Variants in ADAMTSL1 observed in about 807,000 individuals in gnomAD.
The protein encoded by ADAMTSL1 is ADAMTS like 1.
Under a neutral mutation model 201.8 loss-of-function variants are expected in ADAMTSL1, and 126 were observed. The ratio of observed to expected loss-of-function variants is 0.62; its 90% CI spans 0.54 to 0.72. ADAMTSL1 has a LOEUF of 0.72. ADAMTSL1 is among the 30% of genes least tolerant of loss of function. The pLI, the probability that ADAMTSL1 is intolerant of heterozygous loss-of-function variation, is 0.00. For synonymous variants in ADAMTSL1, 1,121 were observed against 903.4 expected, an observed-to-expected ratio of 1.24 and a Z score of -4.32; for missense variants, 2,679 against 2,277.8, an observed-to-expected ratio of 1.18 and a Z score of -3.59.
At chr9:18,745,763 C>A (rs1252207588) in intron 15 of ADAMTSL1, among the ~76,000 whole-genome samples, 1 of 152,180 alleles carries the variant, frequency 6.6e-6, no homozygotes, top group Non-Finnish European at 1.5e-5. Context: ...TTCAATTTTA[C>A]TAGATTTATC....
At chr9:18,206,596 A>G (rs1406297480) in intron 2 of ADAMTSL1, among the ~76,000 whole-genome samples, 3 of 152,046 alleles carry the variant, frequency 2.0e-5, no homozygotes, top group Non-Finnish European at 4.4e-5. Flanking sequence ...CCCTACATTA[A>G]CCAGATCATG....
intron 13 of ADAMTSL1, among the ~76,000 whole-genome samples, chr9:18,703,318 G>C (rs1432852310): frequency 6.6e-6 from 1 of 152,028 alleles, no homozygotes; most frequent in African/African-American, 2.4e-5. Context: ...AGTAAATACA[G>C]AGCTGGGAGA....
intron 18 of ADAMTSL1, 27 bp from the exon 19 acceptor site, chr9:18,776,754 G>C (rs1400626158): frequency 6.6e-7 from 1 of 1,520,042 alleles, no homozygotes; most frequent in East Asian, 2.5e-5. Context: ...CTCTTTCTCT[G>C]TCCCTTCGGG....
intron 1 of ADAMTSL1, among the ~76,000 whole-genome samples, chr9:17,922,454 C>T (rs1826343594): frequency 6.6e-6 from 1 of 152,242 alleles, no homozygotes; most frequent in African/African-American, 2.4e-5. Context: ...TCCTGAGCCT[C>T]AATCTCAGAG....
At chr9:18,437,423 A>T (rs2133437149) in intron 2 of ADAMTSL1, among the ~76,000 whole-genome samples, 1 of 152,162 alleles carries the variant, frequency 6.6e-6, no homozygotes, top group Non-Finnish European at 1.5e-5. Context: ...TCTTCTAGTC[A>T]TGACAGACTG....
intron 4 of ADAMTSL1, among the ~76,000 whole-genome samples, chr9:18,578,505 T>A (rs1822882909): frequency 6.6e-6 from 1 of 152,136 alleles, no homozygotes; most frequent in African/African-American, 2.4e-5. Flanking sequence ...GACAAGAGGC[T>A]CTGGAATCAT....
At chr9:18,164,202 C>G (rs908841787) in intron 2 of ADAMTSL1, among the ~76,000 whole-genome samples, 1 of 151,782 alleles carries the variant, frequency 6.6e-6, no homozygotes, top group South Asian at 2.1e-4. Flanking sequence ...TTTACTCAAG[C>G]GTTAAAGTTT....
At chr9:18,097,045 G>C (rs964431904) in intron 1 of ADAMTSL1, among the ~76,000 whole-genome samples, 1 of 152,124 alleles carries the variant, frequency 6.6e-6, no homozygotes, top group Non-Finnish European at 1.5e-5. Flanking sequence ...ATACATGGCG[G>C]TTCCATCATC....
intron 2 of ADAMTSL1, among the ~76,000 whole-genome samples, chr9:18,263,624 C>T (rs968157279): frequency 3.3e-5 from 5 of 152,182 alleles, no homozygotes; most frequent in Non-Finnish European, 4.4e-5. Context: ...GTCCCCTACC[C>T]CAATTCATAT....
At chr9:18,013,691 A>G (rs1820144003) in intron 1 of ADAMTSL1, among the ~76,000 whole-genome samples, 2 of 152,028 alleles carry the variant, frequency 1.3e-5, no homozygotes. Flanking sequence ...AACAGCACTT[A>G]GCCAAATGGG....
intron 13 of ADAMTSL1, 164 bp downstream of exon 13, chr9:18,684,964 G>C: frequency 7.2e-7 from 1 of 1,388,574 alleles, no homozygotes; most frequent in Non-Finnish European, 9.3e-7. Flanking sequence ...AAAAGTGTTT[G>C]TCAAAGCTGA....
chr9:18,413,710 C>T (rs1379564569), intron 2 of ADAMTSL1, among the ~76,000 whole-genome samples: 1 of 152,168 alleles, frequency 6.6e-6, no homozygotes, highest in Non-Finnish European at 1.5e-5. Context: ...CCCAACTCTT[C>T]ATTCTCTTTT....
chr9:18,193,409 G>T (rs1829048961), intron 2 of ADAMTSL1, among the ~76,000 whole-genome samples: 1 of 152,016 alleles, frequency 6.6e-6, no homozygotes, highest in African/African-American at 2.4e-5. Flanking sequence ...GTTACAGTAG[G>T]ATCCATGGTG....
At chr9:17,954,621 A>G (rs987404068) in intron 1 of ADAMTSL1, among the ~76,000 whole-genome samples, 1 of 152,194 alleles carries the variant, frequency 6.6e-6, no homozygotes, top group African/African-American at 2.4e-5. Flanking sequence ...CATGGAAGGA[A>G]TCATGCTTGA....
chr9:17,977,409 G>A (rs529087526), intron 1 of ADAMTSL1, among the ~76,000 whole-genome samples: 1 of 152,138 alleles, frequency 6.6e-6, no homozygotes, highest in South Asian at 2.1e-4. Flanking sequence ...TTCTTTAAAT[G>A]TTTAGTAAAA....
chr9:18,340,822 A>C (rs1318426802), intron 2 of ADAMTSL1, among the ~76,000 whole-genome samples: 3 of 152,100 alleles, frequency 2.0e-5, no homozygotes, highest in Non-Finnish European at 4.4e-5. Context: ...AGCCATGTGA[A>C]ACTGTGAGTC....
intron 23 of ADAMTSL1, among the ~76,000 whole-genome samples, chr9:18,875,240 T>A (rs1288626692): frequency 3.3e-5 from 5 of 152,092 alleles, no homozygotes; most frequent in Non-Finnish European, 5.9e-5. Context: ...TATTTTTTGT[T>A]TCAATTTCAT....
At chr9:18,600,139 G>C (rs1824542642) in intron 4 of ADAMTSL1, among the ~76,000 whole-genome samples, 1 of 152,018 alleles carries the variant, frequency 6.6e-6, no homozygotes, top group South Asian at 2.1e-4. Flanking sequence ...TCACTGCACA[G>C]CCTGGACCTG....
chr9:18,321,794 A>G (rs746249742), intron 2 of ADAMTSL1, among the ~76,000 whole-genome samples: 3 of 152,130 alleles, frequency 2.0e-5, no homozygotes, highest in Non-Finnish European at 2.9e-5. Context: ...CTCCATGTCA[A>G]AAAAACCAAA....
Sources: gnomAD v4.1 joint callset for allele counts (sites outside exome capture counted in the v4.1 genomes callset) on GRCh38, gnomAD v4.1.1 for gene constraint, MANE v1.5 for transcripts, NCBI Gene and HGNC (gene_info 2026-07-23, HGNC 2026-07-21) for gene names.